Variants in PHF24 observed in about 807,000 individuals in gnomAD.
PHF24 encodes the protein Galpha inhibitory interacting protein.
In PHF24, 25 loss-of-function variants were observed where a neutral mutation model predicts 42.6. The ratio of observed to expected loss-of-function variants is 0.59; its 90% CI spans 0.43 to 0.82. PHF24 has a LOEUF of 0.82. Among genes scored for constraint, PHF24 ranks in the 40% least tolerant of loss-of-function variants. The pLI is 0.00. For missense variants in PHF24, 470 were observed against 538.1 expected, an observed-to-expected ratio of 0.87 and a Z score of 1.25; for synonymous variants, 185 against 204.8, an observed-to-expected ratio of 0.90 and a Z score of 0.83.
the PHF24 span, among the ~76,000 whole-genome samples, chr9:34,874,652 A>G: frequency 5.3e-5 from 8 of 152,178 alleles, no homozygotes; most frequent in African/African-American, 1.7e-4. Context: ...ATCACCATAA[A>G]CAATGCTCCA....
chr9:34,804,829 A>T, the PHF24 span, among the ~76,000 whole-genome samples: 1 of 152,220 alleles, frequency 6.6e-6, no homozygotes, highest in Non-Finnish European at 1.5e-5. Flanking sequence ...GAACATTCTC[A>T]TCACCTCAAA....
At chr9:34,913,362 A>T in the PHF24 span, among the ~76,000 whole-genome samples, 6 of 152,202 alleles carry the variant, frequency 3.9e-5, no homozygotes, top group African/African-American at 9.7e-5. Context: ...ACAGGAATGA[A>T]TTCAAGAAAA....
At chr9:34,950,218 C>T in the PHF24 span, among the ~76,000 whole-genome samples, 1 of 151,782 alleles carries the variant, frequency 6.6e-6, no homozygotes, top group African/African-American at 2.4e-5. Context: ...CATGGGGGTG[C>T]ACTGCTGTAG....
At chr9:34,861,921 C>G in the PHF24 span, among the ~76,000 whole-genome samples, 1 of 152,214 alleles carries the variant, frequency 6.6e-6, no homozygotes, top group Non-Finnish European at 1.5e-5. Flanking sequence ...TTAGACTATT[C>G]AGGCTGCCAT....
At chr9:34,826,577 A>G in the PHF24 span, among the ~76,000 whole-genome samples, 2 of 152,360 alleles carry the variant, frequency 1.3e-5, no homozygotes, top group East Asian at 1.9e-4. Context: ...AAGCAGTCAC[A>G]GTCCCTGCCC....
At chr9:34,704,088 T>G in the PHF24 span, among the ~76,000 whole-genome samples, 2 of 152,116 alleles carry the variant, frequency 1.3e-5, no homozygotes, top group Non-Finnish European at 2.9e-5. Flanking sequence ...AGCTATGGTG[T>G]GATCATAGCT....
chr9:34,730,805 T>C, the PHF24 span, among the ~76,000 whole-genome samples: 1 of 152,194 alleles, frequency 6.6e-6, no homozygotes, highest in African/African-American at 2.4e-5. Flanking sequence ...CTCTTCCTGG[T>C]GGGAGAAAAA....
Position 34,976,154 on chromosome 9 carries a change from C to T in PHF24, c.567C>T (p.Asp189=), listed in dbSNP as rs760049468. 3 of 1,613,422 alleles carry T rather than the reference C, an allele frequency of 1.9e-6. No individual in the cohort carries two copies. The East Asian group carries it at 6.7e-5, about 36-fold the overall frequency. Residue 189 remains aspartate (D), a splice_region_variant and synonymous_variant, in exon 4 of 8, where the codon GAC becomes GAT. Transcript: ENST00000242315. ...ACTCAGCTCTTCCTTATTTTCAGGA[C>T]AACATCAACTTGCTGCTTACTGAGG...
the PHF24 span, among the ~76,000 whole-genome samples, chr9:34,737,542 T>G: frequency 1.3e-5 from 2 of 152,208 alleles, no homozygotes; most frequent in East Asian, 1.9e-4. Flanking sequence ...TCAGTTCTCT[T>G]GGGTATATAC....
At chr9:34,761,716 G>A in the PHF24 span, among the ~76,000 whole-genome samples, 164 of 151,848 alleles carry the variant, frequency 1.1e-3, no homozygotes, top group African/African-American at 3.7e-3. Flanking sequence ...ATTATTATAC[G>A]TTAAGTTTTA....
At chr9:34,779,134 T>C in the PHF24 span, among the ~76,000 whole-genome samples, 1 of 151,984 alleles carries the variant, frequency 6.6e-6, no homozygotes, top group African/African-American at 2.4e-5. Flanking sequence ...TAAACATCTA[T>C]ATTAAAAGAG....
chr9:34,702,558 A>T, the PHF24 span, among the ~76,000 whole-genome samples: 7 of 152,370 alleles, frequency 4.6e-5, no homozygotes, highest in East Asian at 1.3e-3. Flanking sequence ...CTTGAAGAAA[A>T]CAGAGCTTTC....
At chr9:34,873,189 G>A in the PHF24 span, among the ~76,000 whole-genome samples, 1 of 151,628 alleles carries the variant, frequency 6.6e-6, no homozygotes, top group African/African-American at 2.4e-5. Context: ...CTTTTGCTGT[G>A]CAGAAGCTCT....
the PHF24 span, among the ~76,000 whole-genome samples, chr9:34,758,885 C>G: frequency 6.6e-6 from 1 of 152,160 alleles, no homozygotes; most frequent in South Asian, 2.1e-4. This position sits in a 1 kb window ranked among gnomAD's most constrained non-coding sequence, Gnocchi z 4.4. Context: ...ACCTTTTCCC[C>G]TCAAAGGGAA....
At chr9:34,874,866 A>G in the PHF24 span, among the ~76,000 whole-genome samples, 3 of 152,136 alleles carry the variant, frequency 2.0e-5, no homozygotes, top group Non-Finnish European at 4.4e-5. Context: ...GGTACTTGAG[A>G]TGTTTTCATA....
chr9:34,714,887 A>G, the PHF24 span, among the ~76,000 whole-genome samples: 1 of 152,158 alleles, frequency 6.6e-6, no homozygotes, highest in East Asian at 1.9e-4. Context: ...GCCATGAAAG[A>G]AGCTTCTTGT....
chr9:34,726,502 C>T, the PHF24 span: 1 of 1,551,666 alleles, frequency 6.4e-7, no homozygotes, highest in Non-Finnish European at 8.7e-7. Flanking sequence ...CTTGGTTTCC[C>T]TGGACAAGGC....
At chr9:34,784,254 GA>G in the PHF24 span, among the ~76,000 whole-genome samples, 1 of 152,014 alleles carries the variant, frequency 6.6e-6, no homozygotes, top group South Asian at 2.1e-4. Context: ...GTGCACAAGT[GA>G]AAGTGCATAA....
At chr9:34,878,662 G>C in the PHF24 span, among the ~76,000 whole-genome samples, 1 of 152,222 alleles carries the variant, frequency 6.6e-6, no homozygotes, top group African/African-American at 2.4e-5. Context: ...CAGCAAGGCT[G>C]GGGGAGGGGC....
Sources: allele counts gnomAD v4.1 joint callset (sites outside exome capture counted in the v4.1 genomes callset), GRCh38; gene constraint gnomAD v4.1.1; non-coding constraint Gnocchi (gnomAD v3.1); transcripts MANE v1.5; gene names NCBI Gene and HGNC (gene_info 2026-07-23, HGNC 2026-07-21).